PALD1: variants seen among roughly 807,000 people sequenced by gnomAD.
PALD1 encodes phosphatase domain containing paladin 1.
A neutral mutation model predicts 96.0 loss-of-function variants in PALD1; 57 were observed. The observed-to-expected ratio is 0.59, with a 90% CI of 0.48 to 0.74. PALD1 has a LOEUF of 0.74. Ranked by LOEUF, PALD1 falls within the 30% of genes least tolerant of loss-of-function variation. The pLI, the probability that PALD1 is intolerant of heterozygous loss-of-function variation, is 0.00. For synonymous variants in PALD1, 464 were observed against 473.6 expected, an observed-to-expected ratio of 0.98 and a Z score of 0.26; for missense variants, 1,063 against 1,143.7, an observed-to-expected ratio of 0.93 and a Z score of 1.02.
chr10:70,547,496 G>T (rs903854452), intron 18 of PALD1, 50 bp downstream of exon 18: 3 of 1,286,256 alleles, frequency 2.3e-6, no homozygotes, highest in Non-Finnish European at 3.2e-6. Context: ...ACCCTTCCAG[G>T]TGTGCACAGC....
At chr10:70,543,157 C>T (rs1847289110) in intron 17 of PALD1, among the ~76,000 whole-genome samples, 1 of 143,470 alleles carries the variant, frequency 7.0e-6, no homozygotes, top group Non-Finnish European at 1.5e-5. Context: ...TAGTGATGTT[C>T]AATATCTTTT....
At chr10:70,481,257 A>G (rs1255040307) in intron 1 of PALD1, among the ~76,000 whole-genome samples, 5 of 152,240 alleles carry the variant, frequency 3.3e-5, no homozygotes, top group African/African-American at 1.2e-4. Context: ...AGCAGAGGCC[A>G]GGAACCAGAC....
rs527443802 is a variant in PALD1 at position 70,490,141 on chromosome 10, TTG to T, written c.-30+11083_-30+11084del. ...TTTCACCGTGTTGGCCAGGCTGGTC[TTG>T]AACTCCTGACCTCAGGTGATCCATC... On this transcript the variant is annotated intron_variant, in intron 1 of 19. Coordinates refer to ENST00000263563, the MANE Select transcript of PALD1 (RefSeq NM_014431.3). 9.2e-5 allele frequency among the ~76,000 whole-genome samples: 14 copies of T among 152,300 alleles called. No individual in the cohort carries two copies. The South Asian group carries it at 2.9e-3, about 32-fold the overall frequency.
At chr10:70,524,923 C>T (rs1846821528) in intron 1 of PALD1, among the ~76,000 whole-genome samples, 1 of 152,158 alleles carries the variant, frequency 6.6e-6, no homozygotes, top group African/African-American at 2.4e-5. Flanking sequence ...GGAGGACTGC[C>T]GAATCCCCGA....
At chr10:70,489,842 G>A (rs1009266824) in intron 1 of PALD1, among the ~76,000 whole-genome samples, 19 of 152,216 alleles carry the variant, frequency 1.2e-4, no homozygotes, top group African/African-American at 4.6e-4. Context: ...AGCATGCTCT[G>A]TATCTCTATA....
At chr10:70,465,069 G>T in the PALD1 span, among the ~76,000 whole-genome samples, 1 of 151,686 alleles carries the variant, frequency 6.6e-6, no homozygotes, top group Non-Finnish European at 1.5e-5. Flanking sequence ...CCACCTCCTG[G>T]GTTCACATCA....
chr10:70,464,816 T>TG, the PALD1 span, among the ~76,000 whole-genome samples: 2 of 150,736 alleles, frequency 1.3e-5, no homozygotes, highest in African/African-American at 2.4e-5. Context: ...TTAGTAGAGA[T>TG]GGGGTTTCAC....
chr10:70,463,735 T>TGCAGTAGGGAGGAACTGAGTGGCCA, the PALD1 span, among the ~76,000 whole-genome samples: 4 of 151,910 alleles, frequency 2.6e-5, no homozygotes, highest in Non-Finnish European at 5.9e-5. Flanking sequence ...AATAGGGGGA[T>TGCAGTAGGGAGGAACTGAGTGGCCA]GCAGTAGGGA....
chr10:70,515,793 G>T (rs1177353190), intron 1 of PALD1, among the ~76,000 whole-genome samples: 2 of 152,150 alleles, frequency 1.3e-5, no homozygotes, highest in Non-Finnish European at 2.9e-5. Context: ...AAGATAATGT[G>T]ACTAATGCAT....
intron 19 of PALD1, among the ~76,000 whole-genome samples, chr10:70,565,827 T>A (rs1430496515): frequency 1.3e-5 from 2 of 152,104 alleles, no homozygotes; most frequent in Non-Finnish European, 2.9e-5. Flanking sequence ...GCTTGGGTTC[T>A]GCTTGGAGAG....
chr10:70,529,369 C>T (rs759706248), intron 3 of PALD1, 38 bp downstream of exon 3: 2 of 981,338 alleles, frequency 2.0e-6, no homozygotes, highest in Non-Finnish European at 3.2e-6. Flanking sequence ...CGCCTGCTGC[C>T]TCCCACCCCT....
the PALD1 span, among the ~76,000 whole-genome samples, chr10:70,472,139 T>C: frequency 6.6e-6 from 1 of 152,204 alleles, no homozygotes; most frequent in Admixed American, 6.5e-5. Context: ...CGTAGATCCC[T>C]GACCCCTTCC....
chr10:70,505,603 TCAAAACAAAACAAAACAAAACAAAA>T (rs71472970), intron 1 of PALD1, among the ~76,000 whole-genome samples: 27,414 of 149,886 alleles, frequency 0.18, 2,668 homozygotes, highest in Admixed American at 0.24. Context: ...AAACTCTGTC[TCAAAACAAAACAAAACAAAACAAAA>T]CAAAACAAAA....
intron 18 of PALD1, among the ~76,000 whole-genome samples, chr10:70,557,933 T>TTTTTTTTTTG (rs1847644784): frequency 7.4e-6 from 1 of 134,582 alleles, no homozygotes; most frequent in African/African-American, 2.7e-5. Flanking sequence ...GCTCTTCCTT[T>TTTTTTTTTTG]TTTTTTTTTT....
chr10:70,519,114 A>AT (rs1373817333), intron 1 of PALD1, among the ~76,000 whole-genome samples: 1 of 152,072 alleles, frequency 6.6e-6, no homozygotes, highest in Non-Finnish European at 1.5e-5. Flanking sequence ...ACTATGTTTT[A>AT]TTTTTTGTAA....
chr10:70,520,333 C>T lies in PALD1; in HGVS notation c.-29-5590C>T, dbSNP rs1006506582. ...GGTGGGGGTTTGTAAACTTTAGATTCGAGGTGGGGAAACCAAGATTGGAAT... is the reference window on the plus strand; with the variant it reads ...GGTGGGGGTTTGTAAACTTTAGATTTGAGGTGGGGAAACCAAGATTGGAAT... On this transcript the variant is annotated intron_variant, in intron 1 of 19. Coordinates refer to ENST00000263563, the MANE Select transcript of PALD1 (RefSeq NM_014431.3). Among the ~76,000 whole-genome samples the T allele has an allele frequency of 4.6e-5, 7 of 152,254 alleles. No individual in the cohort carries two copies. In the East Asian group the frequency reaches 9.7e-4, roughly 21 times the overall value.
chr10:70,563,249 G>A (rs761483547), intron 18 of PALD1, among the ~76,000 whole-genome samples: 4 of 152,046 alleles, frequency 2.6e-5, no homozygotes, highest in East Asian at 1.9e-4. Context: ...CCAGCTCCCC[G>A]TCTTGTCCCT....
intron 1 of PALD1, among the ~76,000 whole-genome samples, chr10:70,506,075 C>T (rs953539263): frequency 2.6e-5 from 4 of 152,130 alleles, no homozygotes; most frequent in Admixed American, 1.3e-4. Flanking sequence ...CCAACTCTGA[C>T]GAGCTCTGTG....
chr10:70,482,308 C>T (rs1845945992), intron 1 of PALD1, among the ~76,000 whole-genome samples: 2 of 152,188 alleles, frequency 1.3e-5, no homozygotes, highest in Admixed American at 1.3e-4. Flanking sequence ...GACTGCTGGG[C>T]CTCTGGGAGG....
Sources: gnomAD v4.1 joint callset for allele counts (sites outside exome capture counted in the v4.1 genomes callset) on GRCh38, gnomAD v4.1.1 for gene constraint, MANE v1.5 for transcripts, NCBI Gene and HGNC (gene_info 2026-07-23, HGNC 2026-07-21) for gene names.